The following RRP15 variants were observed in gnomAD, a reference collection of about 807,000 sequenced individuals.
The protein encoded by RRP15 is ribosomal RNA processing 15 homolog.
A neutral mutation model predicts 27.1 loss-of-function variants in RRP15; 18 were observed. The observed-to-expected ratio is 0.66, with a 90% CI of 0.46 to 0.98. RRP15 has a LOEUF of 0.98. RRP15 is among the 50% of genes least tolerant of loss of function. The pLI is 0.00. For synonymous variants in RRP15, 107 were observed against 109.4 expected (o/e 0.98, Z 0.14); for missense variants, 359 against 337.8 (o/e 1.06, Z -0.49).
intron 4 of RRP15, among the ~76,000 whole-genome samples, chr1:218,312,483 A>G (rs1656018922): frequency 6.6e-6 from 1 of 152,106 alleles, no homozygotes; most frequent in Non-Finnish European, 1.5e-5. Flanking sequence ...ATGTGAGAAG[A>G]CATAAAAAAA....
At chr1:218,310,250 G>A (rs1161959786) in intron 4 of RRP15, among the ~76,000 whole-genome samples, 1 of 152,068 alleles carries the variant, frequency 6.6e-6, no homozygotes, top group Non-Finnish European at 1.5e-5. Flanking sequence ...TCCCTTCCCT[G>A]GGCTGTAATG....
chr1:218,331,242 T>C lies in RRP15; in HGVS notation c.*151T>C. 3.7e-6 allele frequency: 2 copies of C among 534,866 alleles called. No homozygotes were observed. The highest frequency in any genetic ancestry group is 6.4e-6 in the Non-Finnish European group (2 of 314,610). 33.1% of individuals were successfully genotyped at this position (534,866 alleles called of 1,614,324 possible). ...ATTTCCCCTTTTCATGTACACTTTA[T>C]ATATACTTCATTAAAATTATATTTT... On this transcript the variant is annotated 3_prime_UTR_variant, in exon 5 of 5. Coordinates refer to ENST00000366932, the MANE Select transcript of RRP15 (RefSeq NM_016052.4).
intron 4 of RRP15, among the ~76,000 whole-genome samples, chr1:218,330,697 T>A (rs752051297): frequency 6.6e-6 from 1 of 152,170 alleles, no homozygotes; most frequent in African/African-American, 2.4e-5. Flanking sequence ...AAAATTTTTT[T>A]ATTTTGCTTT....
At chr1:218,316,630 A>G (rs1222353185) in intron 4 of RRP15, among the ~76,000 whole-genome samples, 1 of 152,174 alleles carries the variant, frequency 6.6e-6, no homozygotes. Context: ...CCTACCTCAT[A>G]GGGATGTTGT....
At chr1:218,316,926 C>T (rs577185870) in intron 4 of RRP15, among the ~76,000 whole-genome samples, 1 of 152,332 alleles carries the variant, frequency 6.6e-6, no homozygotes, top group East Asian at 1.9e-4. Context: ...GATATTCTCA[C>T]TCACGTTAGG....
At position 218,289,003 on chromosome 1, in the gene RRP15, T is replaced by G. The variant is rs1419006467; in HGVS notation, c.139+3548T>G. 2.6e-5 allele frequency among the ~76,000 whole-genome samples: 4 copies of G among 152,286 alleles called. No individual in the cohort carries two copies. In the East Asian group the frequency reaches 7.7e-4, roughly 29 times the overall value. ...GCTAGTTATTATTATCTACCCCAAT[T>G]TCCTCATCTACAAAATGAGGATAAT... On this transcript the variant is annotated intron_variant, in intron 1 of 4. Transcript: ENST00000366932.
chr1:218,303,934 A>C (rs986637904), intron 2 of RRP15, among the ~76,000 whole-genome samples: 4 of 152,246 alleles, frequency 2.6e-5, no homozygotes, highest in African/African-American at 9.6e-5. Context: ...AGGATTAAGC[A>C]TACATATTAT....
chr1:218,311,019 G>GTA (rs1655986952), intron 4 of RRP15, among the ~76,000 whole-genome samples: 1 of 152,142 alleles, frequency 6.6e-6, no homozygotes, highest in Non-Finnish European at 1.5e-5. Flanking sequence ...AAAGTGCTGG[G>GTA]ATTACAGGCA....
rs1167572581 is a variant in RRP15, at chr1:218,321,430, A to G, written c.706-9518A>G. Among the ~76,000 whole-genome samples the G allele has an allele frequency of 4.6e-5, 7 of 152,384 alleles. No individual in the cohort carries two copies. The South Asian group carries it at 8.3e-4, about 18-fold the overall frequency. On this transcript the variant is annotated intron_variant, in intron 4 of 4. Coordinates refer to ENST00000366932, the MANE Select transcript of RRP15 (RefSeq NM_016052.4). ...TAAAAGTTTGGTTATTTCAGTTTAT[A>G]CTTTACGATTTATATTACAGTTAGT...
In RRP15 at chr1:218,335,272, T is replaced by C. The variant is rs1656431657; in HGVS notation, c.*4181T>C. Reference sequence around the variant, plus strand: ...GTAAACCTTTTAAATTTAAATTTGCTTTCTTAAAATACCTGTTCCAACATT... The same window carrying C: ...GTAAACCTTTTAAATTTAAATTTGCCTTCTTAAAATACCTGTTCCAACATT... On this transcript the variant is annotated 3_prime_UTR_variant, in exon 5 of 5. Transcript: ENST00000366932. 1 of 152,190 alleles carries C rather than the reference T, an allele frequency of 6.6e-6. No individual in the cohort carries two copies. The allele number at this position is 152,190 out of a possible 1,614,324, so 9.4% of individuals were successfully genotyped here.
At chr1:218,287,187 C>A (rs1187639488) in intron 1 of RRP15, among the ~76,000 whole-genome samples, 4 of 141,368 alleles carry the variant, frequency 2.8e-5, no homozygotes, top group African/African-American at 1.1e-4. Context: ...TGCCATGTTG[C>A]CCAGGCATGT....
rs1394782151 is a variant in RRP15 at position 218,336,184 on chromosome 1, T to G, written c.*5093T>G. ...TTGTAGGACCTTAGAGTTGCCTAGG[T>G]CCATTCTATTCTAGCATATACTCAA... On this transcript the variant is annotated 3_prime_UTR_variant, in exon 5 of 5. Transcript: ENST00000366932. 2 of 152,236 alleles carry G rather than the reference T, an allele frequency of 1.3e-5. No homozygotes were observed. The highest frequency in any genetic ancestry group is 2.9e-5 in the Non-Finnish European group (2 of 68,004). 9.4% of individuals were successfully genotyped at this position (152,236 alleles called of 1,614,324 possible).
At chr1:218,312,453 A>T (rs1322059384) in intron 4 of RRP15, among the ~76,000 whole-genome samples, 1 of 152,106 alleles carries the variant, frequency 6.6e-6, no homozygotes, top group Non-Finnish European at 1.5e-5. Context: ...TAGGGCTATG[A>T]AAAAAGATAC....
chr1:218,285,554 GT>G, intron 1 of RRP15, 99 bp downstream of exon 1: 1 of 1,524,338 alleles, frequency 6.6e-7, no homozygotes, highest in Non-Finnish European at 9.0e-7. Flanking sequence ...AGCCACCTGG[GT>G]TTTATCTTGG....
At chr1:218,327,461 C>T (rs1215483465) in intron 4 of RRP15, among the ~76,000 whole-genome samples, 2 of 152,058 alleles carry the variant, frequency 1.3e-5, no homozygotes, top group African/African-American at 2.4e-5. Flanking sequence ...TGCTATCATG[C>T]GTAGGCTATT....
intron 1 of RRP15, among the ~76,000 whole-genome samples, chr1:218,296,485 C>G (rs1361758815): frequency 6.6e-6 from 1 of 151,766 alleles, no homozygotes; most frequent in Non-Finnish European, 1.5e-5. Context: ...GAGACTTCAT[C>G]TCTACAAAAA....
intron 4 of RRP15, among the ~76,000 whole-genome samples, chr1:218,316,057 T>G (rs1369946153): frequency 1.3e-5 from 2 of 152,216 alleles, no homozygotes; most frequent in Non-Finnish European, 2.9e-5. Flanking sequence ...TGTATTTATG[T>G]CTTTTAAAAT....
At chr1:218,288,790 A>T (rs766116329) in intron 1 of RRP15, among the ~76,000 whole-genome samples, 1 of 152,230 alleles carries the variant, frequency 6.6e-6, no homozygotes, top group Non-Finnish European at 1.5e-5. Flanking sequence ...CCACTCAAGA[A>T]GATTTCATCA....
chr1:218,290,566 C>T (rs371914009), intron 1 of RRP15, among the ~76,000 whole-genome samples: 1 of 152,168 alleles, frequency 6.6e-6, no homozygotes, highest in Non-Finnish European at 1.5e-5. Flanking sequence ...CTGTTAGGCT[C>T]AAGCCATCCT....
Sources: allele counts gnomAD v4.1 joint callset (sites outside exome capture counted in the v4.1 genomes callset), GRCh38; gene constraint gnomAD v4.1.1; transcripts MANE v1.5; gene names NCBI Gene and HGNC (gene_info 2026-07-23, HGNC 2026-07-21).